The following ERC2 variants were observed in gnomAD, a reference collection of about 807,000 sequenced individuals.
ERC2 encodes ERC protein 2.
A neutral mutation model predicts 114.8 loss-of-function variants in ERC2; 42 were observed. The observed-to-expected ratio is 0.37, with a 90% CI of 0.29 to 0.47. The LOEUF (loss-of-function observed/expected upper bound fraction) is 0.47. Ranked by LOEUF, ERC2 falls within the 20% of genes least tolerant of loss-of-function variation. The pLI, the probability that ERC2 is intolerant of heterozygous loss-of-function variation, is 0.99. For synonymous variants in ERC2, 454 were observed against 425.5 expected, an observed-to-expected ratio of 1.07 and a Z score of -0.82; for missense variants, 939 against 1,150.7, an observed-to-expected ratio of 0.82 and a Z score of 2.66.
Position 56,332,147 on chromosome 3 carries a change from C to A in ERC2, c.658-35712G>T, listed in dbSNP as rs897120735. Among the ~76,000 whole-genome samples the A allele has an allele frequency of 6.5e-4, 27 of 41,336 alleles. No individual in the cohort carries two copies. In the East Asian group the frequency reaches 0.015, roughly 23 times the overall value. The allele number at this position is 41,336 out of a possible 152,430, so 27.1% of individuals were successfully genotyped here. On this transcript the variant is annotated intron_variant, in intron 2 of 17. Transcript: ENST00000288221. ...TTCCTATTTTTCACACACACACACA[C>A]ATGTGCACACACACACACACAAGAG... is the stretch of plus-strand genomic sequence containing the variant.
intron 6 of ERC2, among the ~76,000 whole-genome samples, chr3:56,138,027 T>C: frequency 6.6e-6 from 1 of 150,490 alleles, no homozygotes; most frequent in Non-Finnish European, 1.5e-5. Context: ...ACAGTGGAAC[T>C]ATACACAACT....
In ERC2 at chr3:55,992,102, T is replaced by G; in HGVS notation, c.2210A>C (p.Glu737Ala). ...CTTGTCCTTGTCATTCTTCTCATTCTCCACCTCCTTGAGGATCTCCAGCAA... is the reference window on the plus strand; with the variant it reads ...CTTGTCCTTGTCATTCTTCTCATTCGCCACCTCCTTGAGGATCTCCAGCAA... ...DRLLEILKEVENEKNDKDKKI... is the reference protein window; with the variant it reads ...DRLLEILKEVANEKNDKDKKI... The change falls in exon 11 of 18, where the codon GAG (glutamate) becomes GCG (alanine). Residue 737 changes from glutamate to alanine, a missense_variant. By Grantham distance (107) the Glu-to-Ala change is moderately radical. Transcript: ENST00000288221. 1.2e-6 allele frequency: 2 copies of G among 1,613,948 alleles called. No individual in the cohort carries two copies. The highest frequency in any genetic ancestry group is 1.1e-5 in the South Asian group (1 of 91,060).
At chr3:55,836,329 C>A (rs1215022719) in intron 14 of ERC2, among the ~76,000 whole-genome samples, 1 of 152,110 alleles carries the variant, frequency 6.6e-6, no homozygotes, top group Non-Finnish European at 1.5e-5. Context: ...AAGCTGGAGG[C>A]ATCACACTAC....
intron 15 of ERC2, among the ~76,000 whole-genome samples, chr3:55,730,289 C>T (rs773359939): frequency 1.9e-4 from 29 of 152,280 alleles, no homozygotes; most frequent in Admixed American, 3.9e-4. Flanking sequence ...AAGGGTGATG[C>T]TTTCCTTATT....
chr3:55,734,259 T>C (rs1575427383), intron 15 of ERC2, among the ~76,000 whole-genome samples: 1 of 152,170 alleles, frequency 6.6e-6, no homozygotes, highest in East Asian at 1.9e-4. Context: ...AGTCTGGCAG[T>C]GCTAGAACCT....
At chr3:55,782,972 C>T (rs962165665) in intron 14 of ERC2, among the ~76,000 whole-genome samples, 4 of 152,190 alleles carry the variant, frequency 2.6e-5, no homozygotes, top group African/African-American at 9.7e-5. Context: ...TGGTAAATAG[C>T]AAAGCCAGAA....
chr3:55,527,354 A>G (rs187481352), intron 17 of ERC2, among the ~76,000 whole-genome samples: 98 of 152,326 alleles, frequency 6.4e-4, no homozygotes, highest in African/African-American at 2.3e-3. Context: ...AATAAATATT[A>G]GTCAATATGA....
chr3:56,091,464 A>G (rs980597200), intron 6 of ERC2, among the ~76,000 whole-genome samples: 2 of 152,202 alleles, frequency 1.3e-5, no homozygotes, highest in African/African-American at 4.8e-5. Flanking sequence ...GCTAGGAAAC[A>G]TATGAAAAGC....
chr3:55,552,757 G>A (rs1337232812), intron 17 of ERC2, among the ~76,000 whole-genome samples: 6 of 151,802 alleles, frequency 4.0e-5, no homozygotes, highest in Non-Finnish European at 8.8e-5. Flanking sequence ...TTTAAATGGA[G>A]TTCTCCTCTA....
At chr3:56,064,721 C>T (rs1209050897) in intron 7 of ERC2, among the ~76,000 whole-genome samples, 1 of 152,188 alleles carries the variant, frequency 6.6e-6, no homozygotes, top group South Asian at 2.1e-4. Flanking sequence ...AAATCTCAAA[C>T]TTGCCATGAA....
chr3:56,359,510 A>C (rs946532513), intron 2 of ERC2, among the ~76,000 whole-genome samples: 1 of 152,266 alleles, frequency 6.6e-6, no homozygotes, highest in Non-Finnish European at 1.5e-5. Flanking sequence ...TCTTAGAACC[A>C]GTGTACAAAA....
intron 15 of ERC2, among the ~76,000 whole-genome samples, chr3:55,710,583 A>G (rs1470296559): frequency 1.3e-5 from 2 of 152,200 alleles, no homozygotes; most frequent in Admixed American, 6.5e-5. Context: ...GGAATCCAAA[A>G]AGCCTGGTTG....
At chr3:55,520,667 C>T (rs1371090527) in intron 17 of ERC2, among the ~76,000 whole-genome samples, 1 of 152,132 alleles carries the variant, frequency 6.6e-6, no homozygotes, top group Admixed American at 6.5e-5. Context: ...TTCACTGGGG[C>T]ACCTCCCAGG....
chr3:56,032,912 A>AG lies in ERC2; in HGVS notation c.1642-13882_1642-13881insC, dbSNP rs1491322548. Among the ~76,000 whole-genome samples the AG allele has an allele frequency of 9.8e-3, 662 of 67,728 alleles. 9 individuals are homozygous for AG. Among genetic ancestry groups the AG allele is most frequent in the Admixed American group, 0.016 (82 of 5,116 alleles). The allele number at this position is 67,728 out of a possible 152,430, so 44.4% of individuals were successfully genotyped here. A position where few individuals can be genotyped will look rare whatever the true frequency, so the allele number is the denominator to read the frequency against. ...GAGAGAGAGAGAGACAGAAAGAAAG[A>AG]AAGAAAGAAAGAAAGAAAGAAAGAA... On this transcript the variant is annotated intron_variant, in intron 7 of 17. Transcript: ENST00000288221.
At chr3:56,166,865 G>C (rs983210179) in intron 4 of ERC2, among the ~76,000 whole-genome samples, 1 of 152,004 alleles carries the variant, frequency 6.6e-6, no homozygotes, top group Non-Finnish European at 1.5e-5. Context: ...CTCCACTCTA[G>C]TATATGTTTA....
intron 10 of ERC2, among the ~76,000 whole-genome samples, chr3:56,000,537 T>C (rs1196497963): frequency 6.6e-6 from 1 of 152,036 alleles, no homozygotes; most frequent in Non-Finnish European, 1.5e-5. Context: ...ATAAATGTAC[T>C]GGAAAACCTC....
chr3:55,881,989 C>T (rs2063136625), intron 14 of ERC2, among the ~76,000 whole-genome samples: 1 of 152,140 alleles, frequency 6.6e-6, no homozygotes, highest in Non-Finnish European at 1.5e-5. Context: ...CCAATAAAGA[C>T]CAGACTGAAG....
chr3:55,546,656 TGTTGAG>T, intron 17 of ERC2, among the ~76,000 whole-genome samples: 1 of 152,238 alleles, frequency 6.6e-6, no homozygotes, highest in African/African-American at 2.4e-5. Flanking sequence ...CAAAACGAGG[TGTTGAG>T]GCTCCTCCCA....
In ERC2 at chr3:56,159,677, TCCCC is replaced by T. The variant is rs543736214; in HGVS notation, c.1150-10549_1150-10546del. ...CCCTTGCCTCCTTCCTCCCTAGTAG[TCCCC>T]AGTTTCTATTGTTGCCATCTTTATG... On this transcript the variant is annotated intron_variant, in intron 4 of 17. Coordinates refer to ENST00000288221, the MANE Select transcript of ERC2 (RefSeq NM_015576.3). Among the ~76,000 whole-genome samples the T allele has an allele frequency of 2.1e-3, 316 of 152,268 alleles. 1 individual carries two copies. The highest frequency in any genetic ancestry group is 7.3e-3 in the African/African-American group (303 of 41,564).
Sources: allele counts gnomAD v4.1 joint callset (sites outside exome capture counted in the v4.1 genomes callset), GRCh38; gene constraint gnomAD v4.1.1; transcripts MANE v1.5; gene names NCBI Gene and HGNC (gene_info 2026-07-23, HGNC 2026-07-21).